GLRA2: variants seen among roughly 807,000 people sequenced by gnomAD.
GLRA2 encodes glycine receptor subunit alpha-2.
Under a neutral mutation model 31.6 loss-of-function variants are expected in GLRA2, and 11 were observed. That is an observed-to-expected ratio of 0.35 (90% CI 0.22 to 0.58). GLRA2 has a LOEUF of 0.58. Among genes scored for constraint, GLRA2 ranks in the 20% least tolerant of loss-of-function variants. The pLI, the probability that GLRA2 is intolerant of heterozygous loss-of-function variation, is 0.84. For missense variants in GLRA2, 212 were observed against 351.8 expected (o/e 0.60, Z 3.18); for synonymous variants, 132 against 134.0 (o/e 0.99, Z 0.10).
intron 7 of GLRA2, among the ~76,000 whole-genome samples, chrX:14,626,710 G>A (rs1208977439): frequency 8.9e-6 from 1 of 111,769 alleles, no homozygotes; most frequent in Non-Finnish European, 1.9e-5. Context: ...AAGGTTGAAG[G>A]AAAGCACATT....
At chrX:14,715,782 G>C (rs776197061) in intron 8 of GLRA2, among the ~76,000 whole-genome samples, 1 of 111,612 alleles carries the variant, frequency 9.0e-6, no homozygotes, top group African/African-American at 3.3e-5. Flanking sequence ...GGACATGGGG[G>C]TCCTTGAATG....
intron 8 of GLRA2, among the ~76,000 whole-genome samples, chrX:14,727,317 C>T (rs1382661300): frequency 4.5e-5 from 5 of 111,991 alleles, no homozygotes; most frequent in Admixed American, 1.9e-4. Flanking sequence ...GCATGAGGTC[C>T]CTGAGGCTTT....
chrX:14,496,210 G>A, the GLRA2 span, among the ~76,000 whole-genome samples: 1 of 110,940 alleles, frequency 9.0e-6, no homozygotes, highest in South Asian at 3.9e-4. Context: ...TGACATAGAG[G>A]GACTGTTTCC....
chrX:14,720,749 T>C (rs2091854180), intron 8 of GLRA2, among the ~76,000 whole-genome samples: 1 of 112,100 alleles, frequency 8.9e-6, no homozygotes, highest in South Asian at 3.7e-4. Context: ...GTCTATTTAT[T>C]GTCTTTAAAA....
intron 8 of GLRA2, among the ~76,000 whole-genome samples, chrX:14,721,278 TTAATAA>T (rs922768917): frequency 5.4e-5 from 6 of 110,728 alleles, no homozygotes; most frequent in African/African-American, 2.0e-4. Context: ...GTGACTATAG[TTAATAA>T]TAATGTACAT....
At position 14,677,515 on chromosome X, in the gene GLRA2, G is replaced by T. The variant is rs772912970; in HGVS notation, c.931-13195G>T. On this transcript the variant is annotated intron_variant, in intron 7 of 8. Transcript: ENST00000218075. ...ACGACCGTGGGCTAGAATAGGCAAA[G>T]AAATTATCACCTTGGGGATGGAATT... is the stretch of plus-strand genomic sequence containing the variant. Among the ~76,000 whole-genome samples, 10 of 112,301 alleles carry T rather than the reference G, an allele frequency of 8.9e-5. No homozygotes were observed. In the South Asian group the frequency reaches 3.7e-3, roughly 41 times the overall value.
chrX:14,574,225 C>T (rs1190932064), intron 2 of GLRA2, 108 bp from the exon 3 acceptor site: 4 of 531,088 alleles, frequency 7.5e-6, no homozygotes, highest in Admixed American at 5.9e-5. Flanking sequence ...TTTTGGCAAT[C>T]TCACCATCAT....
intron 7 of GLRA2, among the ~76,000 whole-genome samples, chrX:14,685,128 G>A (rs1452198244): frequency 3.6e-5 from 4 of 111,705 alleles, no homozygotes; most frequent in Non-Finnish European, 7.5e-5. Context: ...TTATTGATTT[G>A]CATATGTTGA....
the GLRA2 span, among the ~76,000 whole-genome samples, chrX:14,454,232 A>G: frequency 9.2e-6 from 1 of 108,200 alleles, no homozygotes; most frequent in South Asian, 4.1e-4. Flanking sequence ...GCACACATAC[A>G]TGAGTTCAAG....
the GLRA2 span, among the ~76,000 whole-genome samples, chrX:14,453,007 G>T: frequency 8.9e-6 from 1 of 111,980 alleles, no homozygotes; most frequent in African/African-American, 3.2e-5. Context: ...GCCTGAACAA[G>T]ATCATATGAA....
chrX:14,580,278 A>G (rs1381531108), intron 3 of GLRA2, among the ~76,000 whole-genome samples: 1 of 112,757 alleles, frequency 8.9e-6, no homozygotes, highest in East Asian at 2.8e-4. Context: ...ATTAGTATAT[A>G]TCACACTTGT....
intron 8 of GLRA2, among the ~76,000 whole-genome samples, chrX:14,694,192 A>G (rs1463565767): frequency 6.2e-5 from 7 of 112,120 alleles, no homozygotes; most frequent in Non-Finnish European, 3.8e-5. Context: ...CAGTAGTTTA[A>G]GGTAGGTGAG....
In GLRA2 at chrX:14,582,057, CT is replaced by C. The variant is rs374540955; in HGVS notation, c.494+662del. ...CTTTTCTGAACTCATATAGCAGTTTCTTTTTTTTTTTCCATATTTTTTTATT... is the reference window on the plus strand; with the variant it reads ...CTTTTCTGAACTCATATAGCAGTTTCTTTTTTTTTTCCATATTTTTTTATT... On this transcript the variant is annotated intron_variant, in intron 4 of 8. Coordinates refer to ENST00000218075, the MANE Select transcript of GLRA2 (RefSeq NM_002063.4). Among the ~76,000 whole-genome samples, 265 of 103,909 alleles carry C rather than the reference CT, an allele frequency of 2.6e-3. 2 individuals are homozygous for C. Among genetic ancestry groups the C allele is most frequent in the Non-Finnish European group, 3.4e-3 (173 of 50,905 alleles). The allele number at this position is 103,909 out of a possible 115,157, so 90.2% of individuals were successfully genotyped here.
chrX:14,470,357 C>T, the GLRA2 span, among the ~76,000 whole-genome samples: 1 of 111,480 alleles, frequency 9.0e-6, no homozygotes, highest in African/African-American at 3.3e-5. Context: ...CCTGAATATT[C>T]CCTGACAGTG....
At chrX:14,454,970 A>G in the GLRA2 span, among the ~76,000 whole-genome samples, 1 of 112,147 alleles carries the variant, frequency 8.9e-6, no homozygotes, top group African/African-American at 3.2e-5. Context: ...CTTGATGGAC[A>G]TCACCTATGT....
intron 7 of GLRA2, among the ~76,000 whole-genome samples, chrX:14,624,480 G>T (rs920696308): frequency 2.2e-4 from 25 of 111,148 alleles, no homozygotes; most frequent in African/African-American, 6.9e-4. Context: ...CTTTCTCTTG[G>T]GGCATTTAGT....
chrX:14,576,627 T>A (rs998377344), intron 3 of GLRA2, among the ~76,000 whole-genome samples: 2 of 112,335 alleles, frequency 1.8e-5, no homozygotes, highest in African/African-American at 6.5e-5. Context: ...ACCTTTTCGA[T>A]GTTCATTAAT....
At chrX:14,535,664 C>A (rs2089313663) in intron 2 of GLRA2, among the ~76,000 whole-genome samples, 2 of 112,240 alleles carry the variant, frequency 1.8e-5, no homozygotes, top group South Asian at 7.3e-4. Flanking sequence ...TATATCCATT[C>A]ACAATTACCT....
upstream of GLRA2, among the ~76,000 whole-genome samples, chrX:14,526,184 A>G (rs1443336583): frequency 1.8e-5 from 2 of 112,527 alleles, no homozygotes; most frequent in East Asian, 5.5e-4. Context: ...TACTTCATGA[A>G]CAATACGGTA....
Sources: allele counts gnomAD v4.1 joint callset (sites outside exome capture counted in the v4.1 genomes callset), GRCh38; gene constraint gnomAD v4.1.1; transcripts MANE v1.5; gene names NCBI Gene and HGNC (gene_info 2026-07-23, HGNC 2026-07-21).